Variants in NMNAT3 observed in about 807,000 individuals in gnomAD.
The protein encoded by NMNAT3 is nicotinamide nucleotide adenylyltransferase 3, also known as nicotinamide/nicotinic acid mononucleotide adenylyltransferase 3.
In NMNAT3, 21 loss-of-function variants were observed where a neutral mutation model predicts 24.8. The observed-to-expected ratio is 0.85, with a 90% CI of 0.60 to 1.22. NMNAT3 has a LOEUF of 1.22. Ranked by LOEUF, NMNAT3 falls within the 50% of genes most tolerant of loss-of-function variation. NMNAT3 has a pLI of 0.00. For missense variants in NMNAT3, 387 were observed against 436.6 expected (o/e 0.89, Z 1.01); for synonymous variants, 136 against 155.2 (o/e 0.88, Z 0.92).
chr3:139,664,620 G>T (rs933863903), intron 1 of NMNAT3, among the ~76,000 whole-genome samples: 1 of 152,128 alleles, frequency 6.6e-6, no homozygotes, highest in African/African-American at 2.4e-5. Flanking sequence ...TCATCTATTT[G>T]GTAACCTGGA....
intron 3 of NMNAT3, among the ~76,000 whole-genome samples, chr3:139,624,124 C>T (rs2055934420): frequency 1.3e-5 from 2 of 152,100 alleles, no homozygotes; most frequent in Admixed American, 6.6e-5. Context: ...TTCATCTGTT[C>T]ATTTGTTTAT....
In NMNAT3 at chr3:139,627,764, G is replaced by T; in HGVS notation, c.-40C>A. 8.1e-7 allele frequency: 1 copy of T among 1,227,842 alleles called. No homozygotes were observed. Among genetic ancestry groups the T allele is most frequent in the Non-Finnish European group, 1.1e-6 (1 of 870,374 alleles). 76.1% of individuals were successfully genotyped at this position (1,227,842 alleles called of 1,614,324 possible). A position where few individuals can be genotyped will look rare whatever the true frequency, so the allele number is the denominator to read the frequency against. ...CCACACCTGTTGCAGTGGCCACCCT[G>T]CTTTTATGGGGACAAAAGCTCATGT... On this transcript the variant is annotated splice_region_variant and 5_prime_UTR_variant, in exon 3 of 7. Transcript: ENST00000643695.
chr3:139,606,379 C>T (rs905914586), intron 3 of NMNAT3, among the ~76,000 whole-genome samples: 2 of 152,182 alleles, frequency 1.3e-5, no homozygotes, highest in African/African-American at 4.8e-5. Flanking sequence ...GGCAAGAATA[C>T]CTCAGAACTG....
intron 1 of NMNAT3, among the ~76,000 whole-genome samples, chr3:139,669,784 C>T (rs1475351038): frequency 1.3e-5 from 2 of 152,056 alleles, no homozygotes; most frequent in Non-Finnish European, 2.9e-5. Flanking sequence ...TGGATTAATA[C>T]AAATAAAGTT....
intron 1 of NMNAT3, among the ~76,000 whole-genome samples, chr3:139,666,366 C>G (rs1053190694): frequency 5.3e-5 from 8 of 152,198 alleles, no homozygotes; most frequent in African/African-American, 7.2e-5. Flanking sequence ...AAATCTAGGC[C>G]ACCTGATGTG....
chr3:139,604,340 A>G (rs1026198251), intron 3 of NMNAT3, among the ~76,000 whole-genome samples: 1 of 152,196 alleles, frequency 6.6e-6, no homozygotes, highest in African/African-American at 2.4e-5. Flanking sequence ...ACTCAACTAT[A>G]TGCTCAAGTT....
At chr3:139,668,298 T>A (rs1483036073) in intron 1 of NMNAT3, among the ~76,000 whole-genome samples, 1 of 152,218 alleles carries the variant, frequency 6.6e-6, no homozygotes, top group Non-Finnish European at 1.5e-5. Context: ...GCTGGTGACC[T>A]ATAGCAGAGC....
At chr3:139,649,906 C>A (rs1234024468) in intron 1 of NMNAT3, among the ~76,000 whole-genome samples, 1 of 152,184 alleles carries the variant, frequency 6.6e-6, no homozygotes, top group Non-Finnish European at 1.5e-5. Flanking sequence ...GAGAAACATG[C>A]ATTGACTTCA....
intron 3 of NMNAT3, among the ~76,000 whole-genome samples, chr3:139,621,684 T>C (rs2055781909): frequency 6.6e-6 from 1 of 152,186 alleles, no homozygotes; most frequent in Admixed American, 6.6e-5. Context: ...AATTTTTTCC[T>C]TCTGTCTTAC....
intron 3 of NMNAT3, 23 bp downstream of exon 4, chr3:139,627,593 G>A: frequency 1.4e-6 from 2 of 1,423,706 alleles, no homozygotes; most frequent in Non-Finnish European, 9.5e-7. Context: ...TTCTTCTGTT[G>A]GACTCAGGGC....
At chr3:139,620,217 A>G (rs908999013) in intron 3 of NMNAT3, among the ~76,000 whole-genome samples, 3 of 114,856 alleles carry the variant, frequency 2.6e-5, no homozygotes, top group African/African-American at 1.0e-4. Flanking sequence ...TTTTTTTTTT[A>G]AAGTTTGATG....
In NMNAT3 at chr3:139,583,003, T is replaced by C; in HGVS notation, c.315A>G (p.Thr105=). 6.2e-7 allele frequency: 1 copy of C among 1,602,228 alleles called. No individual in the cohort carries two copies. Reference sequence around the variant, plus strand: ...CTATAAATATAATTTTTTTCAGTGTTGTGCCTTTGCACTTGCTGTCATTCA... The same window carrying C: ...CTATAAATATAATTTTTTTCAGTGTCGTGCCTTTGCACTTGCTGTCATTCA... Residue 105 remains threonine (T), a synonymous_variant, in exon 4 of 7, where the codon ACA becomes ACG. Coordinates refer to ENST00000643695, the MANE Select transcript of NMNAT3 (RefSeq NM_001320510.2).
intron 3 of NMNAT3, among the ~76,000 whole-genome samples, chr3:139,612,187 A>G (rs2055254273): frequency 6.7e-6 from 1 of 149,012 alleles, no homozygotes. Flanking sequence ...AAAAAAATGC[A>G]TAGAGGATAC....
At chr3:139,577,140 A>T (rs1458848823) in intron 5 of NMNAT3, among the ~76,000 whole-genome samples, 1 of 151,354 alleles carries the variant, frequency 6.6e-6, no homozygotes, top group Non-Finnish European at 1.5e-5. Context: ...AAAAAAAATT[A>T]AAAAGAAAAT....
intron 3 of NMNAT3, among the ~76,000 whole-genome samples, chr3:139,587,525 A>G (rs1029356329): frequency 2.6e-5 from 4 of 152,224 alleles, no homozygotes; most frequent in African/African-American, 9.6e-5. Context: ...ATGCTAAGCC[A>G]TCCAGGATGC....
chr3:139,668,560 A>C (rs181667618), intron 1 of NMNAT3, among the ~76,000 whole-genome samples: 2 of 152,348 alleles, frequency 1.3e-5, no homozygotes, highest in Admixed American at 6.5e-5. Flanking sequence ...GGTGGCTCAA[A>C]AGGCACTAGG....
chr3:139,639,156 AT>A (rs1433400177), intron 1 of NMNAT3, among the ~76,000 whole-genome samples: 1 of 152,162 alleles, frequency 6.6e-6, no homozygotes, highest in African/African-American at 2.4e-5. Context: ...TCACCTATCC[AT>A]CTGACTGGAG....
At chr3:139,665,374 C>A (rs2057543977) in intron 1 of NMNAT3, among the ~76,000 whole-genome samples, 1 of 152,168 alleles carries the variant, frequency 6.6e-6, no homozygotes, top group African/African-American at 2.4e-5. Flanking sequence ...CCCTCCTTGG[C>A]ACAGACGTCT....
In NMNAT3 at chr3:139,572,301, C is replaced by T. The variant is rs534082415; in HGVS notation, c.658+1297G>A. On this transcript the variant is annotated intron_variant, in intron 6 of 6. Transcript: ENST00000643695. The stretch of plus-strand genomic sequence containing the variant: ...AATGAATACTGGGCACTGTGCTTAT[C>T]GGGGATGGGTGGGAAGGAGCCCATG... 4.3e-5 allele frequency: 17 copies of T among 397,658 alleles called. No individual in the cohort carries two copies. The South Asian group carries it at 8.0e-4, about 19-fold the overall frequency. 24.6% of individuals were successfully genotyped at this position (397,658 alleles called of 1,614,324 possible). A position where few individuals can be genotyped will look rare whatever the true frequency, so the allele number is the denominator to read the frequency against.
Sources: allele counts gnomAD v4.1 joint callset (sites outside exome capture counted in the v4.1 genomes callset), GRCh38; gene constraint gnomAD v4.1.1; transcripts MANE v1.5; gene names NCBI Gene and HGNC (gene_info 2026-07-23, HGNC 2026-07-21).